The following RAD54B variants were observed in gnomAD, a reference collection of about 807,000 sequenced individuals.
RAD54B encodes the protein DNA repair and recombination protein RAD54B.
RAD54B carries 78 observed loss-of-function variants against 95.8 expected under a neutral mutation model. The observed-to-expected ratio is 0.81, with a 90% CI of 0.68 to 0.98. The LOEUF (loss-of-function observed/expected upper bound fraction) is 0.98. Among genes scored for constraint, RAD54B ranks in the 50% least tolerant of loss-of-function variants. The pLI is 0.00. For missense variants in RAD54B, 957 were observed against 1,056.6 expected (o/e 0.91, Z 1.31); for synonymous variants, 328 against 354.9 (o/e 0.92, Z 0.85).
intron 3 of RAD54B, chr8:94,432,575 C>T: frequency 6.5e-7 from 1 of 1,550,254 alleles, no homozygotes; most frequent in Non-Finnish European, 8.7e-7. Context: ...GCTTCACCTC[C>T]ACTGTAATAG....
intron 3 of RAD54B, chr8:94,437,067 A>C: frequency 9.4e-7 from 1 of 1,067,914 alleles, no homozygotes; most frequent in South Asian, 2.6e-5. Flanking sequence ...GCCAAGCCTG[A>C]CCTACATAAA....
intron 14 of RAD54B, among the ~76,000 whole-genome samples, chr8:94,377,533 G>T: frequency 1.9e-5 from 2 of 102,676 alleles, no homozygotes; most frequent in Non-Finnish European, 3.5e-5. Flanking sequence ...AACAGAGCCA[G>T]ACCCTGTCTT....
chr8:94,424,022 G>C (rs1311107514), intron 3 of RAD54B, among the ~76,000 whole-genome samples: 1 of 152,134 alleles, frequency 6.6e-6, no homozygotes, highest in African/African-American at 2.4e-5. Flanking sequence ...TATTACCAGG[G>C]TCTAAGAGAA....
chr8:94,431,931 T>C (rs1459753333), intron 3 of RAD54B: 7 of 1,236,818 alleles, frequency 5.7e-6, no homozygotes, highest in Non-Finnish European at 6.1e-6. Context: ...AAGAAGACAA[T>C]AAAAACTATA....
intron 11 of RAD54B, among the ~76,000 whole-genome samples, chr8:94,386,214 A>G (rs1810886602): frequency 1.3e-5 from 2 of 149,910 alleles, no homozygotes; most frequent in African/African-American, 2.4e-5. Flanking sequence ...AAATTAAAAA[A>G]TAAAATCAAT....
chr8:94,405,487 C>T (rs1337959772), intron 5 of RAD54B, among the ~76,000 whole-genome samples: 1 of 152,052 alleles, frequency 6.6e-6, no homozygotes, highest in African/African-American at 2.4e-5. Flanking sequence ...TAACAAATAC[C>T]CAGAGGGTAA....
At chr8:94,467,679 C>A in intron 1 of RAD54B, 124 bp from the exon 2 acceptor site, 1 of 931,422 alleles carries the variant, frequency 1.1e-6, no homozygotes, top group Non-Finnish European at 1.5e-6. Flanking sequence ...TGCCTGGCCC[C>A]CCAAGCATAG....
rs868307071 is a variant in RAD54B at position 94,374,664 on chromosome 8, G to A, written c.2516-2277C>T. 2.6e-5 allele frequency among the ~76,000 whole-genome samples: 4 copies of A among 152,014 alleles called. 1 individual carries two copies. The South Asian group carries it at 6.2e-4, about 24-fold the overall frequency. Reference sequence around the variant, plus strand: ...GACAAAATGAAAGCAAAAGGCATTCGGGATAAGGCGATCACTACATAACAA... The same window carrying A: ...GACAAAATGAAAGCAAAAGGCATTCAGGATAAGGCGATCACTACATAACAA... On this transcript the variant is annotated intron_variant, in intron 14 of 14. Transcript: ENST00000336148.
At chr8:94,435,902 C>T (rs561137007) in intron 3 of RAD54B, among the ~76,000 whole-genome samples, 2 of 152,188 alleles carry the variant, frequency 1.3e-5, no homozygotes, top group East Asian at 3.9e-4. Context: ...TAGGCATTAA[C>T]TCCCTTTAGT....
At chr8:94,453,064 A>ATATGTGT (rs1812702325) in intron 3 of RAD54B, among the ~76,000 whole-genome samples, 1 of 152,184 alleles carries the variant, frequency 6.6e-6, no homozygotes, top group Non-Finnish European at 1.5e-5. Context: ...TGTGATGAGT[A>ATATGTGT]TCCTACTCCA....
Position 94,372,069 on chromosome 8 carries a change from A to G in RAD54B, c.*101T>C, listed in dbSNP as rs1478456092. The G allele has an allele frequency of 2.0e-6, 3 of 1,468,630 alleles. No individual in the cohort carries two copies. Among genetic ancestry groups the G allele is most frequent in the Non-Finnish European group, 2.7e-6 (3 of 1,116,006 alleles). The allele number at this position is 1,468,630 out of a possible 1,614,324, so 91.0% of individuals were successfully genotyped here. On this transcript the variant is annotated 3_prime_UTR_variant, in exon 15 of 15. Transcript: ENST00000336148. ...TCAAAAGTGATATATTTTGCAACATATACTGTAATTTAAATAATTCTATTA... is the reference window on the plus strand; with the variant it reads ...TCAAAAGTGATATATTTTGCAACATGTACTGTAATTTAAATAATTCTATTA...
chr8:94,406,027 C>CACAT (rs11281421), intron 5 of RAD54B, among the ~76,000 whole-genome samples: 30 of 150,534 alleles, frequency 2.0e-4, no homozygotes, highest in East Asian at 3.9e-4. Flanking sequence ...CACACACACA[C>CACAT]ATATATATAA....
At chr8:94,422,146 T>C (rs1307119873) in intron 3 of RAD54B, among the ~76,000 whole-genome samples, 1 of 152,168 alleles carries the variant, frequency 6.6e-6, no homozygotes, top group Non-Finnish European at 1.5e-5. Context: ...AATTATTTAA[T>C]GTCAGCCTTC....
At chr8:94,470,906 G>A (rs183439592) in intron 1 of RAD54B, among the ~76,000 whole-genome samples, 5 of 152,208 alleles carry the variant, frequency 3.3e-5, no homozygotes, top group South Asian at 2.1e-4. Flanking sequence ...CACCAAAATC[G>A]AGTCAGTACT....
At chr8:94,432,565 G>C in intron 3 of RAD54B, 1 of 1,550,212 alleles carries the variant, frequency 6.5e-7, no homozygotes, top group Non-Finnish European at 8.7e-7. Context: ...TCTTCTTCTT[G>C]CTTCACCTCC....
At chr8:94,372,844 T>C (rs561837230) in intron 14 of RAD54B, among the ~76,000 whole-genome samples, 1 of 152,188 alleles carries the variant, frequency 6.6e-6, no homozygotes, top group Non-Finnish European at 1.5e-5. Context: ...ATTGATAAAC[T>C]CACATCAATT....
intron 10 of RAD54B, among the ~76,000 whole-genome samples, chr8:94,389,665 AT>A (rs1220093864): frequency 6.6e-6 from 1 of 152,228 alleles, no homozygotes. Context: ...TTGGGAAACA[AT>A]TTAGTTTCAA....
chr8:94,441,013 C>T (rs1448714880), intron 3 of RAD54B, among the ~76,000 whole-genome samples: 1 of 152,264 alleles, frequency 6.6e-6, no homozygotes, highest in East Asian at 1.9e-4. Flanking sequence ...ACTTAGAACC[C>T]GATGTTACCC....
chr8:94,387,811 A>G (rs1412888798), intron 10 of RAD54B, among the ~76,000 whole-genome samples: 1 of 152,188 alleles, frequency 6.6e-6, no homozygotes, highest in Admixed American at 6.5e-5. Flanking sequence ...TGCCTAGCTG[A>G]TATGTGAACA....
Sources: allele counts gnomAD v4.1 joint callset (sites outside exome capture counted in the v4.1 genomes callset), GRCh38; gene constraint gnomAD v4.1.1; transcripts MANE v1.5; gene names NCBI Gene and HGNC (gene_info 2026-07-23, HGNC 2026-07-21).